MMP12: variants seen among roughly 807,000 people sequenced by gnomAD.
MMP12 encodes matrix metallopeptidase 12.
A neutral mutation model predicts 45.2 loss-of-function variants in MMP12; 51 were observed. The observed-to-expected ratio is 1.13, with a 90% CI of 0.90 to 1.42. The LOEUF (loss-of-function observed/expected upper bound fraction) is 1.42. MMP12 is among the 40% of genes most tolerant of loss of function. The pLI is 0.00. For synonymous variants in MMP12, 210 were observed against 193.3 expected (o/e 1.09, Z -0.72); for missense variants, 530 against 570.8 (o/e 0.93, Z 0.73).
At position 102,865,911 on chromosome 11, in the gene MMP12, T is replaced by G. The variant is rs652438; in HGVS notation, c.1070A>C (p.Asn357Thr). Residue 357 changes from asparagine (N) to threonine (T), a missense_variant, in exon 8 of 10, where the codon AAT (asparagine) becomes ACT (threonine). Physicochemically the swap from Asn to Thr is moderately conservative, Grantham distance 65. Coordinates refer to ENST00000571244, the MANE Select transcript of MMP12 (RefSeq NM_002426.6). The surrounding 1 kb of genome is among the most constrained non-coding windows in gnomAD (Gnocchi z 4.1). ...FKDDKYWLIS[N>T]LRPEPNYPKS... ...GGGATAATTTGGCTCTGGTCTTAAATTGCTAATTAACCAGTATTTGTCATC... is the reference window on the plus strand; with the variant it reads ...GGGATAATTTGGCTCTGGTCTTAAAGTGCTAATTAACCAGTATTTGTCATC... 209 of 1,612,152 alleles carry G rather than the reference T, an allele frequency of 1.3e-4. 3 individuals carry two copies. The South Asian group carries it at 1.5e-3, about 11-fold the overall frequency.
intron 4 of MMP12, among the ~76,000 whole-genome samples, chr11:102,869,326 G>T (rs1039096130): frequency 6.6e-6 from 1 of 152,058 alleles, no homozygotes; most frequent in Non-Finnish European, 1.5e-5. Flanking sequence ...TCTGTATCAT[G>T]GGTCCAGTAA....
chr11:102,871,500 C>G, intron 4 of MMP12, 94 bp downstream of exon 4: 1 of 1,458,724 alleles, frequency 6.9e-7, no homozygotes, highest in South Asian at 1.3e-5. Context: ...AATGTAGTCT[C>G]TCGAAACCAG....
In MMP12 at chr11:102,865,382, G is replaced by A. The variant is rs1425468810; in HGVS notation, c.1205+394C>T. On this transcript the variant is annotated intron_variant, in intron 8 of 9. Coordinates refer to ENST00000571244, the MANE Select transcript of MMP12 (RefSeq NM_002426.6). The surrounding 1 kb of genome is among the most constrained non-coding windows in gnomAD (Gnocchi z 4.1). ...CCTCCTGACCTCCTGTCATTTAGAGGATGGTTGTCTCATTTTGTCTTTTGA... is the reference window on the plus strand; with the variant it reads ...CCTCCTGACCTCCTGTCATTTAGAGAATGGTTGTCTCATTTTGTCTTTTGA... Among the ~76,000 whole-genome samples the A allele has an allele frequency of 4.6e-5, 7 of 152,124 alleles. No individual in the cohort carries two copies. Among genetic ancestry groups the A allele is most frequent in the African/African-American group, 1.2e-4 (5 of 41,426 alleles).
rs554722412 is a variant in MMP12, at chr11:102,870,996, C to T, written c.625+598G>A. Among the ~76,000 whole-genome samples, 22 of 152,194 alleles carry T rather than the reference C, an allele frequency of 1.4e-4. No individual in the cohort carries two copies. In the South Asian group the frequency reaches 4.4e-3, roughly 30 times the overall value. Reference sequence around the variant, plus strand: ...GGTCAAAAACTTATCACCTAGGCTGCCTGCAATCTTAACACTTTGGGAGGC... The same window carrying T: ...GGTCAAAAACTTATCACCTAGGCTGTCTGCAATCTTAACACTTTGGGAGGC... On this transcript the variant is annotated intron_variant, in intron 4 of 9. Coordinates refer to ENST00000571244, the MANE Select transcript of MMP12 (RefSeq NM_002426.6).
rs1859363028 is a variant in MMP12, at chr11:102,865,175, A to G, written c.1205+601T>C. 6.6e-6 allele frequency among the ~76,000 whole-genome samples: 1 copy of G among 152,230 alleles called. No individual in the cohort carries two copies. Among genetic ancestry groups the G allele is most frequent in the African/African-American group, 2.4e-5 (1 of 41,464 alleles). On this transcript the variant is annotated intron_variant, in intron 8 of 9. Transcript: ENST00000571244. The surrounding 1 kb of genome is among the most constrained non-coding windows in gnomAD (Gnocchi z 4.1). The stretch of plus-strand genomic sequence containing the variant: ...AGTTGTAAATGTAAGCTTAACATAT[A>G]TGTTATGTCTCATGTCAACCAGGCA...
intron 9 of MMP12, 28 bp downstream of exon 9, chr11:102,864,118 T>A: frequency 7.0e-7 from 1 of 1,430,458 alleles, no homozygotes; most frequent in Non-Finnish European, 9.9e-7. Context: ...TTATTTCCAG[T>A]ATCTTCATGG....
intron 5 of MMP12, 110 bp downstream of exon 5, chr11:102,867,798 G>A (rs1859421630): frequency 8.6e-7 from 1 of 1,164,010 alleles, no homozygotes; most frequent in African/African-American, 1.5e-5. Flanking sequence ...GGGTTCTTAT[G>A]CGGCTTAAAA....
chr11:102,865,895 T>C lies in MMP12; in HGVS notation c.1086A>G (p.Pro362=). 1 of 1,613,070 alleles carries C rather than the reference T, an allele frequency of 6.2e-7. No individual in the cohort carries two copies. The highest frequency in any genetic ancestry group is 1.1e-5 in the South Asian group (1 of 90,978). ...AAGAATGTATGCTCTTGGGATAATT[T>C]GGCTCTGGTCTTAAATTGCTAATTA... The part of the protein sequence containing the change: ...YWLISNLRPE[P]NYPKSIHSFG... The change falls in exon 8 of 10, where the codon CCA becomes CCG. Residue 362 remains proline, a synonymous_variant. Coordinates refer to ENST00000571244, the MANE Select transcript of MMP12 (RefSeq NM_002426.6). This position sits in a 1 kb window ranked among gnomAD's most constrained non-coding sequence, Gnocchi z 4.1.
At chr11:102,872,072 G>T in intron 2 of MMP12, 120 bp from the exon 3 acceptor site, 3 of 1,162,944 alleles carry the variant, frequency 2.6e-6, no homozygotes, top group Non-Finnish European at 3.5e-6. Context: ...CAAGAGTCCA[G>T]ATTTTAAAAC....
At position 102,867,206 on chromosome 11, in the gene MMP12, T is replaced by C. The variant is rs147711068; in HGVS notation, c.911+64A>G. 292 of 1,411,064 alleles carry C rather than the reference T, an allele frequency of 2.1e-4. No homozygotes were observed. The African/African-American group carries it at 3.9e-3, about 19-fold the overall frequency. 87.4% of individuals were successfully genotyped at this position (1,411,064 alleles called of 1,614,324 possible). On this transcript the variant is annotated intron_variant, in intron 6 of 9. Coordinates refer to ENST00000571244, the MANE Select transcript of MMP12 (RefSeq NM_002426.6). ...TTCATTTTCAATTATTTTCCACTGT[T>C]TTCTGACAAAAAAAATTTAAAGGCA...
chr11:102,867,124 G>A (rs1409999129), intron 6 of MMP12, 146 bp downstream of exon 6: 2 of 636,366 alleles, frequency 3.1e-6, no homozygotes, highest in Admixed American at 3.7e-5. Context: ...AAACCTTTAA[G>A]ATCTCCTCAC....
In MMP12 at chr11:102,871,906, C is replaced by A. The variant is rs782297288; in HGVS notation, c.397G>T (p.Ala133Ser). The A allele has an allele frequency of 9.9e-6, 16 of 1,613,498 alleles. No individual in the cohort carries two copies. The Middle Eastern group carries it at 2.0e-3, about 200-fold the overall frequency. ...CATACTTGGAAAGCTTTCCGGATTGCGTAGTCAACATCCTCACGGTTCATG... is the reference window on the plus strand; with the variant it reads ...CATACTTGGAAAGCTTTCCGGATTGAGTAGTCAACATCCTCACGGTTCATG... ...PDMNREDVDYAIRKAFQVWSN... is the reference protein window; with the variant it reads ...PDMNREDVDYSIRKAFQVWSN... Residue 133 changes from alanine (A) to serine (S), a missense_variant, in exon 3 of 10, where the codon GCA (alanine) becomes TCA (serine). Coordinates refer to ENST00000571244, the MANE Select transcript of MMP12 (RefSeq NM_002426.6).
chr11:102,866,438 G>A lies in MMP12; in HGVS notation c.922C>T (p.Leu308=). 1 of 1,610,550 alleles carries A rather than the reference G, an allele frequency of 6.2e-7. No individual in the cohort carries two copies. Among genetic ancestry groups the A allele is most frequent in the South Asian group, 1.1e-5 (1 of 89,816 alleles). Residue 308 remains leucine, a synonymous_variant, in exon 7 of 10, where the codon CTG becomes TTG. Transcript: ENST00000571244. ...IFFFKDRFFW[L]KVSERPKTSV... ...GTCTTTGGTCTCTCAGAAACCTTCA[G>A]CCAGAAGAACCTGACATGAAAGACA... is the stretch of plus-strand genomic sequence containing the variant.
At chr11:102,868,183 AC>A in intron 4 of MMP12, 114 bp from the exon 5 acceptor site, 1 of 986,294 alleles carries the variant, frequency 1.0e-6, no homozygotes, top group Middle Eastern at 2.5e-4. Flanking sequence ...TTATTTCTTT[AC>A]CCTTTTGAGT....
chr11:102,863,338 C>G (rs1859326310), intron 9 of MMP12, 138 bp from the exon 10 acceptor site: 1 of 508,590 alleles, frequency 2.0e-6, no homozygotes, highest in Non-Finnish European at 3.4e-6. Flanking sequence ...TAACTACACA[C>G]TTTGAGAGGC....
chr11:102,867,825 G>A (rs544985957), intron 5 of MMP12, 83 bp downstream of exon 5: 204 of 1,401,012 alleles, frequency 1.5e-4, no homozygotes, highest in African/African-American at 1.3e-3. Context: ...AGATATTAAC[G>A]TTTTATCCAA....
In MMP12 at chr11:102,865,677, A is replaced by G; in HGVS notation, c.1205+99T>C. 1.1e-6 allele frequency: 1 copy of G among 916,694 alleles called. No individual in the cohort carries two copies. Among genetic ancestry groups the G allele is most frequent in the Non-Finnish European group, 1.6e-6 (1 of 631,532 alleles). The allele number at this position is 916,694 out of a possible 1,614,324, so 56.8% of individuals were successfully genotyped here. A position where few individuals can be genotyped will look rare whatever the true frequency, so the allele number is the denominator to read the frequency against. On this transcript the variant is annotated intron_variant, in intron 8 of 9. Transcript: ENST00000571244. The surrounding 1 kb of genome is among the most constrained non-coding windows in gnomAD (Gnocchi z 4.1). The stretch of plus-strand genomic sequence containing the variant: ...AATCTCTCTCCCTGGAAGGTCAAGG[A>G]GCTTTGGGAATTTGCGCAGAAAATG...
At chr11:102,874,470 G>A (rs1859558346) in intron 1 of MMP12, among the ~76,000 whole-genome samples, 1 of 152,132 alleles carries the variant, frequency 6.6e-6, no homozygotes. Flanking sequence ...AGCCTGAAGT[G>A]GTTATATTAA....
At chr11:102,864,397 C>T in intron 8 of MMP12, 145 bp from the exon 9 acceptor site, 1 of 623,710 alleles carries the variant, frequency 1.6e-6, no homozygotes, top group African/African-American at 1.8e-5. Flanking sequence ...AAACAGTTCA[C>T]TGATTTCCTC....
Sources: allele counts gnomAD v4.1 joint callset (sites outside exome capture counted in the v4.1 genomes callset), GRCh38; gene constraint gnomAD v4.1.1; non-coding constraint Gnocchi (gnomAD v3.1); transcripts MANE v1.5; gene names NCBI Gene and HGNC (gene_info 2026-07-23, HGNC 2026-07-21).